DNAH7: variants seen among roughly 807,000 people sequenced by gnomAD.
The protein encoded by DNAH7 is axonemal beta dynein heavy chain 7.
A neutral mutation model predicts 444.6 loss-of-function variants in DNAH7; 397 were observed. The observed-to-expected ratio is 0.89, with a 90% CI of 0.82 to 0.97. The LOEUF is 0.97. Ranked by LOEUF, DNAH7 falls within the 50% of genes least tolerant of loss-of-function variation. DNAH7 has a pLI of 0.00. For missense variants in DNAH7, 4,902 were observed against 4,800.8 expected, an observed-to-expected ratio of 1.02 and a Z score of -0.62; for synonymous variants, 1,636 against 1,624.4, an observed-to-expected ratio of 1.01 and a Z score of -0.17.
At chr2:195,867,898 C>T (rs1482100547) in intron 40 of DNAH7, among the ~76,000 whole-genome samples, 1 of 151,996 alleles carries the variant, frequency 6.6e-6, no homozygotes, top group South Asian at 2.1e-4. Flanking sequence ...TATTCATGTA[C>T]AAGTTTTTGC....
chr2:195,908,526 G>T (rs1687173349), intron 25 of DNAH7, among the ~76,000 whole-genome samples: 1 of 152,060 alleles, frequency 6.6e-6, no homozygotes, highest in Admixed American at 6.6e-5. Flanking sequence ...GAGAACATGG[G>T]ATATTTGACT....
chr2:195,801,784 A>G (rs915872297), intron 54 of DNAH7, among the ~76,000 whole-genome samples: 4 of 152,332 alleles, frequency 2.6e-5, no homozygotes, highest in African/African-American at 9.6e-5. Flanking sequence ...ACATGTCACA[A>G]TGCCTTCTGT....
intron 8 of DNAH7, among the ~76,000 whole-genome samples, chr2:196,020,296 G>A (rs1442403283): frequency 6.6e-6 from 1 of 151,970 alleles, no homozygotes; most frequent in Non-Finnish European, 1.5e-5. Context: ...AATTATATGT[G>A]GTATAGGAGC....
intron 25 of DNAH7, among the ~76,000 whole-genome samples, chr2:195,909,539 C>A (rs1687232232): frequency 6.6e-6 from 1 of 151,798 alleles, no homozygotes; most frequent in Non-Finnish European, 1.5e-5. Flanking sequence ...GCACATGTAA[C>A]CTGAAAATAT....
At chr2:195,982,380 G>A (rs1692632351) in intron 15 of DNAH7, among the ~76,000 whole-genome samples, 1 of 152,170 alleles carries the variant, frequency 6.6e-6, no homozygotes, top group African/African-American at 2.4e-5. Context: ...CACTGGTGGT[G>A]GGAATGTAAA....
intron 55 of DNAH7, among the ~76,000 whole-genome samples, chr2:195,797,730 G>C (rs896714407): frequency 1.3e-5 from 2 of 152,070 alleles, no homozygotes; most frequent in Non-Finnish European, 2.9e-5. Context: ...AATTCTTCAG[G>C]CTCCAACTAG....
chr2:196,016,268 G>C (rs1288983374), intron 9 of DNAH7, among the ~76,000 whole-genome samples: 1 of 152,076 alleles, frequency 6.6e-6, no homozygotes, highest in Non-Finnish European at 1.5e-5. Flanking sequence ...GTGTTGTTTT[G>C]AAAATGAAAT....
rs754506919 is a variant in DNAH7 at position 195,771,762 on chromosome 2, A to G, written c.11331T>C (p.Tyr3777=). ...EAAMRRYPTT[Y]TQSMNTVLVQ... is the part of the protein sequence containing the mutation. ...CAAGTACAGTGTTCATGCTCTGAGT[A>G]TAAGTTGTTGGGTACCTCCTCATGG... The change falls in exon 61 of 65, where the codon TAT becomes TAC. Residue 3777 remains tyrosine (Y), a synonymous_variant. Coordinates refer to ENST00000312428, the MANE Select transcript of DNAH7 (RefSeq NM_018897.3). 7 of 1,614,144 alleles carry G rather than the reference A, an allele frequency of 4.3e-6. No homozygotes were observed. The highest frequency in any genetic ancestry group is 1.1e-5 in the South Asian group (1 of 91,080).
Position 196,000,896 on chromosome 2 carries a change from A to T in DNAH7, c.1174-13T>A, listed in dbSNP as rs747401207. The T allele has an allele frequency of 4.5e-6, 7 of 1,554,278 alleles. No individual in the cohort carries two copies. The highest frequency in any genetic ancestry group is 2.0e-5 in the Admixed American group (1 of 49,312). On this transcript the variant is annotated splice_polypyrimidine_tract_variant and intron_variant, in intron 11 of 64. Transcript: ENST00000312428. ...CTCTAACAGAATCCTGCAAAAAATT[A>T]AAAAATTTACATACATAAATATGTA...
chr2:195,998,627 C>T (rs1456789584), intron 12 of DNAH7: 1 of 151,208 alleles, frequency 6.6e-6, no homozygotes, highest in African/African-American at 2.4e-5. Context: ...TCTTTTCTTA[C>T]TAACTTGTTA....
intron 41 of DNAH7, among the ~76,000 whole-genome samples, chr2:195,863,765 T>C (rs1197729399): frequency 6.6e-6 from 1 of 152,188 alleles, no homozygotes; most frequent in Non-Finnish European, 1.5e-5. Context: ...CTTCCTGCTA[T>C]TGCTCCACCT....
At chr2:196,064,316 AAAATAAATAAAT>A (rs201123021) in intron 1 of DNAH7, among the ~76,000 whole-genome samples, 2 of 50,112 alleles carry the variant, frequency 4.0e-5, no homozygotes, top group African/African-American at 7.9e-5. Context: ...ACTCCGTCTC[AAAATAAATAAAT>A]AAATAAATAA....
chr2:195,808,917 C>A (rs748837650), intron 52 of DNAH7, 41 bp from the exon 53 acceptor site: 1 of 1,550,258 alleles, frequency 6.5e-7, no homozygotes, highest in South Asian at 1.1e-5. Context: ...GAAACGAGTT[C>A]ATCATAAACT....
Position 195,969,355 on chromosome 2 carries a change from G to A in DNAH7, c.2205+593C>T, listed in dbSNP as rs146038600. 2.1e-3 allele frequency among the ~76,000 whole-genome samples: 316 copies of A among 152,268 alleles called. 1 individual carries two copies. The highest frequency in any genetic ancestry group is 7.1e-3 in the African/African-American group (296 of 41,552). ...CTTTCAATGTAAGAAAAATGATAGA[G>A]CATCATAGTTAATCATATGTTTTCA... On this transcript the variant is annotated intron_variant, in intron 17 of 64. Coordinates refer to ENST00000312428, the MANE Select transcript of DNAH7 (RefSeq NM_018897.3).
At position 196,035,321 on chromosome 2, in the gene DNAH7, A is replaced by C. The variant is rs374013105; in HGVS notation, c.399-7274T>G. Reference sequence around the variant, plus strand: ...AAATTATATTTTAACAAAATGTGAAACTTTTTATTTTCAAAAAATATTGAT... The same window carrying C: ...AAATTATATTTTAACAAAATGTGAACCTTTTTATTTTCAAAAAATATTGAT... On this transcript the variant is annotated intron_variant, in intron 5 of 64. Transcript: ENST00000312428. 2.2e-4 allele frequency among the ~76,000 whole-genome samples: 33 copies of C among 152,368 alleles called. No homozygotes were observed. In the South Asian group the frequency reaches 6.4e-3, roughly 30 times the overall value.
intron 54 of DNAH7, among the ~76,000 whole-genome samples, chr2:195,801,730 T>C (rs1313790669): frequency 6.6e-6 from 1 of 152,224 alleles, no homozygotes; most frequent in Non-Finnish European, 1.5e-5. Context: ...TTTTATAGTC[T>C]ATGAAACATT....
rs544460942 is a variant in DNAH7, at chr2:195,853,750, T to C, written c.8596-222A>G. 1.5e-3 allele frequency among the ~76,000 whole-genome samples: 234 copies of C among 152,244 alleles called. 1 individual carries two copies. Among genetic ancestry groups the C allele is most frequent in the African/African-American group, 5.0e-3 (209 of 41,546 alleles). The stretch of plus-strand genomic sequence containing the variant: ...ATTAATAATGAATGAATATTTACCA[T>C]ATAATACAAAGAACAGCTGTATTTA... On this transcript the variant is annotated intron_variant, in intron 45 of 64. Coordinates refer to ENST00000312428, the MANE Select transcript of DNAH7 (RefSeq NM_018897.3).
chr2:196,016,858 G>C (rs887330679), intron 9 of DNAH7, among the ~76,000 whole-genome samples: 1 of 152,094 alleles, frequency 6.6e-6, no homozygotes, highest in African/African-American at 2.4e-5. Context: ...AATTTATAAA[G>C]AAATTCTGCT....
chr2:195,872,331 G>C lies in DNAH7; in HGVS notation c.6552C>G (p.Ser2184=). 1 of 1,613,854 alleles carries C rather than the reference G, an allele frequency of 6.2e-7. No homozygotes were observed. Among genetic ancestry groups the C allele is most frequent in the Non-Finnish European group, 8.5e-7 (1 of 1,179,912 alleles). ...SHYLFNLRDF[S]RVIQGVCLSR... ...ACAAACAAACACCTTGAATGACACG[G>C]GAGAAATCACGGAGGTTGAACAAGT... The change falls in exon 40 of 65, where the codon TCC becomes TCG. Residue 2184 remains serine, a synonymous_variant. Coordinates refer to ENST00000312428, the MANE Select transcript of DNAH7 (RefSeq NM_018897.3).
Sources: gnomAD v4.1 joint callset for allele counts (sites outside exome capture counted in the v4.1 genomes callset) on GRCh38, gnomAD v4.1.1 for gene constraint, MANE v1.5 for transcripts, NCBI Gene and HGNC (gene_info 2026-07-23, HGNC 2026-07-21) for gene names.